The following NCKAP5 variants were observed in gnomAD, a reference collection of about 807,000 sequenced individuals.
The protein encoded by NCKAP5 is nck-associated protein 5.
A neutral mutation model predicts 167.0 loss-of-function variants in NCKAP5; 92 were observed. That is an observed-to-expected ratio of 0.55 (90% CI 0.47 to 0.66). NCKAP5 has a LOEUF of 0.66. Among genes scored for constraint, NCKAP5 ranks in the 30% least tolerant of loss-of-function variants. The pLI, the probability that NCKAP5 is intolerant of heterozygous loss-of-function variation, is 0.00. For synonymous variants in NCKAP5, 891 were observed against 877.4 expected (o/e 1.02, Z -0.27); for missense variants, 2,378 against 2,315.0 (o/e 1.03, Z -0.56).
intron 2 of NCKAP5, among the ~76,000 whole-genome samples, chr2:133,535,620 T>C (rs1272667383): frequency 6.6e-6 from 1 of 151,996 alleles, no homozygotes; most frequent in Non-Finnish European, 1.5e-5. Flanking sequence ...AAAATAAATA[T>C]GATATAATGA....
chr2:133,520,769 T>C (rs1051548949), intron 2 of NCKAP5, among the ~76,000 whole-genome samples: 6 of 152,206 alleles, frequency 3.9e-5, no homozygotes, highest in Non-Finnish European at 8.8e-5. Flanking sequence ...TTTCTTTTCA[T>C]ATTAATGGTA....
At chr2:133,618,689 A>C in the NCKAP5 span, among the ~76,000 whole-genome samples, 1 of 152,006 alleles carries the variant, frequency 6.6e-6, no homozygotes, top group Admixed American at 6.5e-5. Context: ...AAATAGGAAC[A>C]CTTTTACACT....
chr2:133,296,917 C>T (rs547789399), intron 4 of NCKAP5, among the ~76,000 whole-genome samples: 130 of 152,270 alleles, frequency 8.5e-4, no homozygotes, highest in African/African-American at 3.0e-3. Flanking sequence ...GTATATTCCA[C>T]CTGTTTATTC....
At chr2:133,031,251 G>A (rs1573803519) in intron 6 of NCKAP5, among the ~76,000 whole-genome samples, 1 of 151,362 alleles carries the variant, frequency 6.6e-6, no homozygotes, top group Non-Finnish European at 1.5e-5. Flanking sequence ...CCTACCCCCA[G>A]CAGCAGCAGA....
At chr2:132,852,511 A>G (rs186826441) in intron 11 of NCKAP5, among the ~76,000 whole-genome samples, 32 of 152,314 alleles carry the variant, frequency 2.1e-4, no homozygotes, top group Admixed American at 1.4e-3. Context: ...AGTGACAGAA[A>G]TTTCAGCCAG....
chr2:132,945,795 T>C (rs572414580), intron 8 of NCKAP5, among the ~76,000 whole-genome samples: 2 of 152,318 alleles, frequency 1.3e-5, no homozygotes, highest in East Asian at 1.9e-4. Flanking sequence ...AGATGTGAGA[T>C]TGAAACCCAG....
intron 6 of NCKAP5, 88 bp downstream of exon 6, chr2:133,129,890 G>T: frequency 7.2e-7 from 1 of 1,387,166 alleles, no homozygotes. Flanking sequence ...CACAACAGAA[G>T]CTTACTCAAT....
chr2:133,323,013 A>G (rs1000865525), intron 3 of NCKAP5, among the ~76,000 whole-genome samples: 1 of 152,206 alleles, frequency 6.6e-6, no homozygotes, highest in Non-Finnish European at 1.5e-5. Flanking sequence ...TGAGTATGGA[A>G]AGACAGACAA....
chr2:133,411,742 C>T (rs1688785864), intron 3 of NCKAP5, among the ~76,000 whole-genome samples: 1 of 152,172 alleles, frequency 6.6e-6, no homozygotes, highest in Admixed American at 6.5e-5. Context: ...GGAAGGGTGG[C>T]ATAAGCCCAA....
chr2:133,140,411 T>C (rs1467855204), intron 5 of NCKAP5, among the ~76,000 whole-genome samples: 2 of 152,188 alleles, frequency 1.3e-5, no homozygotes, highest in Non-Finnish European at 2.9e-5. Context: ...CAACAATCGG[T>C]GAACAACAAG....
the NCKAP5 span, among the ~76,000 whole-genome samples, chr2:133,669,997 A>T: frequency 6.6e-6 from 1 of 152,226 alleles, no homozygotes; most frequent in Admixed American, 6.5e-5. Context: ...AACAAAACAG[A>T]AGATTCCTCA....
chr2:132,815,629 A>T (rs1686206634), intron 11 of NCKAP5, among the ~76,000 whole-genome samples: 1 of 152,202 alleles, frequency 6.6e-6, no homozygotes. Flanking sequence ...AGGAAATAAG[A>T]TGCCCTTTAA....
At chr2:133,050,353 A>T (rs1486495052) in intron 6 of NCKAP5, among the ~76,000 whole-genome samples, 1 of 152,210 alleles carries the variant, frequency 6.6e-6, no homozygotes, top group Non-Finnish European at 1.5e-5. Flanking sequence ...CCCTGTTGGA[A>T]AAGGAATGAC....
chr2:133,246,648 CAT>C (rs375337769), intron 4 of NCKAP5, among the ~76,000 whole-genome samples: 101 of 152,248 alleles, frequency 6.6e-4, no homozygotes, highest in African/African-American at 1.7e-3. Context: ...TTGTGATTTA[CAT>C]GTGTGTGTGT....
At chr2:133,653,762 T>C in the NCKAP5 span, among the ~76,000 whole-genome samples, 7 of 152,172 alleles carry the variant, frequency 4.6e-5, no homozygotes, top group Non-Finnish European at 5.9e-5. Context: ...GCAGCGCCTG[T>C]GTTTAATTCA....
At chr2:132,778,598 G>T (rs1021890666) in intron 15 of NCKAP5, among the ~76,000 whole-genome samples, 2 of 152,164 alleles carry the variant, frequency 1.3e-5, no homozygotes, top group African/African-American at 4.8e-5. Flanking sequence ...GAAAAAGAGT[G>T]TGATACGTAG....
intron 4 of NCKAP5, among the ~76,000 whole-genome samples, chr2:133,289,978 G>A (rs753322588): frequency 6.6e-6 from 1 of 152,092 alleles, no homozygotes; most frequent in Non-Finnish European, 1.5e-5. Context: ...ACAGCAAGGG[G>A]GAAATTCACC....
chr2:132,932,971 C>A (rs954025934), intron 8 of NCKAP5, among the ~76,000 whole-genome samples: 1 of 142,710 alleles, frequency 7.0e-6, no homozygotes, highest in Non-Finnish European at 1.5e-5. Flanking sequence ...GTTGCCCAGG[C>A]TGGAGTGCAG....
intron 3 of NCKAP5, among the ~76,000 whole-genome samples, chr2:133,434,202 C>T (rs1045421911): frequency 1.3e-5 from 2 of 152,120 alleles, no homozygotes; most frequent in African/African-American, 4.8e-5. Context: ...CCAGTGTTTA[C>T]CTCTTCCTTC....
Sources: gnomAD v4.1 joint callset for allele counts (sites outside exome capture counted in the v4.1 genomes callset) on GRCh38, gnomAD v4.1.1 for gene constraint, MANE v1.5 for transcripts, NCBI Gene and HGNC (gene_info 2026-07-23, HGNC 2026-07-21) for gene names.